CACNA1B: variants seen among roughly 807,000 people sequenced by gnomAD.
CACNA1B encodes voltage-dependent N-type calcium channel subunit alpha-1B.
In CACNA1B, 70 loss-of-function variants were observed where a neutral mutation model predicts 247.2. The observed-to-expected ratio is 0.28, with a 90% confidence interval of 0.23 to 0.35. CACNA1B has a LOEUF of 0.35. Ranked by LOEUF, CACNA1B falls within the 10% of genes least tolerant of loss-of-function variation. The pLI, the probability that CACNA1B is intolerant of heterozygous loss-of-function variation, is 1.00. For synonymous variants in CACNA1B, 1,231 were observed against 1,294.4 expected (o/e 0.95, Z 1.05); for missense variants, 2,367 against 3,197.4 (o/e 0.74, Z 6.26).
intron 23 of CACNA1B, among the ~76,000 whole-genome samples, 184 bp from the exon 24 acceptor site, chr9:138,049,025 A>AT (rs1959208607): frequency 2.0e-5 from 3 of 151,406 alleles, no homozygotes; most frequent in South Asian, 4.2e-4. Context: ...GCCATGTTTT[A>AT]TTTTTTTTCT....
rs561361947 is a variant in CACNA1B, at chr9:138,006,357, G to C, written c.1975-410G>C. On this transcript the variant is annotated intron_variant, in intron 15 of 46. Transcript: ENST00000371372. ...ACTGAGAGCATAAGGCTCTGCTTCT[G>C]CTGGGTGGCCGTGTGCAGCCCAGTC... 8.5e-5 allele frequency among the ~76,000 whole-genome samples: 13 copies of C among 152,326 alleles called. No homozygotes were observed. In the South Asian group the frequency reaches 2.7e-3, roughly 32 times the overall value.
At chr9:137,912,325 G>C (rs1051035689) in intron 3 of CACNA1B, among the ~76,000 whole-genome samples, 3 of 152,194 alleles carry the variant, frequency 2.0e-5, no homozygotes, top group African/African-American at 7.2e-5. Flanking sequence ...AGCCCCCAGG[G>C]AGTGGGAGGA....
chr9:137,884,839 C>G lies in CACNA1B; in HGVS notation c.530+1956C>G, dbSNP rs181081003. On this transcript the variant is annotated intron_variant, in intron 3 of 46. Transcript: ENST00000371372. The stretch of plus-strand genomic sequence containing the variant: ...CAGGACCCCTGGATCTCCCAGCACA[C>G]ATAGACTGGGTCCAGGGCTGCTCCT... Among the ~76,000 whole-genome samples the G allele has an allele frequency of 3.3e-5, 5 of 151,540 alleles. No homozygotes were observed. In the South Asian group the frequency reaches 1.1e-3, roughly 32 times the overall value.
chr9:137,932,026 A>G (rs1389620562), intron 6 of CACNA1B, among the ~76,000 whole-genome samples: 1 of 152,202 alleles, frequency 6.6e-6, no homozygotes, highest in Non-Finnish European at 1.5e-5. Flanking sequence ...ACATAAAAAC[A>G]GCATTTTTCC....
intron 42 of CACNA1B, among the ~76,000 whole-genome samples, chr9:138,117,116 C>A (rs111258526): frequency 1.3e-5 from 2 of 152,198 alleles, no homozygotes; most frequent in African/African-American, 4.8e-5. Context: ...AGCACTCACC[C>A]GAACACATTC....
In CACNA1B at chr9:138,053,938, G is replaced by A. The variant is rs539386787; in HGVS notation, c.3900G>A (p.Ala1300=). 3.0e-5 allele frequency: 48 copies of A among 1,613,664 alleles called. 1 individual carries two copies. In the South Asian group the frequency reaches 4.3e-4, roughly 14 times the overall value. The change falls in exon 26 of 47, where the codon GCG becomes GCA. Residue 1300 remains alanine, a synonymous_variant. Transcript: ENST00000371372. ...TCATGTTCATATTTGCCGTCATTGC[G>A]GTGCAGCTCTTCAAAGGGAAGTTTT... ...MLFMFIFAVI[A]VQLFKGKFFY...
intron 35 of CACNA1B, among the ~76,000 whole-genome samples, chr9:138,076,355 G>A (rs1292207993): frequency 6.7e-6 from 1 of 148,792 alleles, no homozygotes; most frequent in African/African-American, 2.4e-5. Context: ...TAGGGCAACA[G>A]GGGGAACTGA....
At chr9:137,883,835 G>A (rs374458456) in intron 3 of CACNA1B, among the ~76,000 whole-genome samples, 4 of 151,824 alleles carry the variant, frequency 2.6e-5, no homozygotes, top group African/African-American at 7.3e-5. Flanking sequence ...CACAGCAGGC[G>A]AGAGCTCTCC....
intron 36 of CACNA1B, among the ~76,000 whole-genome samples, chr9:138,080,824 G>A (rs1960499148): frequency 2.0e-5 from 3 of 152,308 alleles, no homozygotes; most frequent in African/African-American, 4.8e-5. Flanking sequence ...TGCTGATGGC[G>A]GACTGTGAGC....
chr9:137,885,228 G>A (rs1956993433), intron 3 of CACNA1B, among the ~76,000 whole-genome samples: 2 of 151,690 alleles, frequency 1.3e-5, no homozygotes, highest in African/African-American at 4.8e-5. Context: ...GGTGATCTGT[G>A]TCCCACGGGG....
chr9:137,988,928 G>A (rs1958399548), intron 15 of CACNA1B, among the ~76,000 whole-genome samples: 1 of 152,198 alleles, frequency 6.6e-6, no homozygotes, highest in African/African-American at 2.4e-5. Flanking sequence ...GAGATCCCAG[G>A]GTGGGAGCCC....
intron 6 of CACNA1B, among the ~76,000 whole-genome samples, chr9:137,936,494 C>T (rs1957670343): frequency 6.6e-6 from 1 of 152,132 alleles, no homozygotes; most frequent in African/African-American, 2.4e-5. Flanking sequence ...TTAATTAGAT[C>T]CCATCTATTT....
rs1009195413 is a variant in CACNA1B, at chr9:138,057,188, C to T, written c.3969-544C>T. ...TCCTGACCTCGTGATCCGCCCGCCT[C>T]GGCCTCCCAAAGTGCTGGGATTACA... On this transcript the variant is annotated intron_variant, in intron 26 of 46. Coordinates refer to ENST00000371372, the MANE Select transcript of CACNA1B (RefSeq NM_000718.4). This position sits in a 1 kb window ranked among gnomAD's most constrained non-coding sequence, Gnocchi z 4.0. Among the ~76,000 whole-genome samples, 2 of 152,128 alleles carry T rather than the reference C, an allele frequency of 1.3e-5. No homozygotes were observed. Among genetic ancestry groups the T allele is most frequent in the African/African-American group, 2.4e-5 (1 of 41,432 alleles).
chr9:137,999,649 A>C lies in CACNA1B; in HGVS notation c.1975-7118A>C, dbSNP rs544427099. ...CTCAGTCTCCCAAGTAGCTGGGGCC[A>C]TAGGCACACACCACCATGCCCAGCT... On this transcript the variant is annotated intron_variant, in intron 15 of 46. Transcript: ENST00000371372. Among the ~76,000 whole-genome samples, 102 of 152,058 alleles carry C rather than the reference A, an allele frequency of 6.7e-4. 2 individuals carry two copies. Among genetic ancestry groups the C allele is most frequent in the African/African-American group, 2.4e-3 (99 of 41,496 alleles).
Position 137,917,186 on chromosome 9 carries a change from A to G in CACNA1B, c.776-55A>G, listed in dbSNP as rs970201047. 6 of 1,512,906 alleles carry G rather than the reference A, an allele frequency of 4.0e-6. No individual in the cohort carries two copies. Among genetic ancestry groups the G allele is most frequent in the African/African-American group, 1.4e-5 (1 of 72,676 alleles). The allele number at this position is 1,512,906 out of a possible 1,614,324, so 93.7% of individuals were successfully genotyped here. The stretch of plus-strand genomic sequence containing the variant: ...CCAGAGCCCAGGAATCCTGGTGGGG[A>G]TTGGAGAGCTTGGTATTTCTGAGCT... On this transcript the variant is annotated intron_variant, in intron 5 of 46. Coordinates refer to ENST00000371372, the MANE Select transcript of CACNA1B (RefSeq NM_000718.4). The surrounding 1 kb of genome is among the most constrained non-coding windows in gnomAD (Gnocchi z 5.5).
chr9:138,050,054 T>C lies in CACNA1B; in HGVS notation c.3710+739T>C. ...GCCACTGACTCTGTTCTCTTTGTCT[T>C]CCTCTTGCTGGACTCGGCAGGAGCT... On this transcript the variant is annotated intron_variant, in intron 24 of 46. Transcript: ENST00000371372. This position sits in a 1 kb window ranked among gnomAD's most constrained non-coding sequence, Gnocchi z 5.2. 7.8e-7 allele frequency: 1 copy of C among 1,289,476 alleles called. No individual in the cohort carries two copies. 79.9% of individuals were successfully genotyped at this position (1,289,476 alleles called of 1,614,324 possible). A position where few individuals can be genotyped will look rare whatever the true frequency, so the allele number is the denominator to read the frequency against.
intron 35 of CACNA1B, among the ~76,000 whole-genome samples, chr9:138,077,303 A>G (rs960211694): frequency 2.0e-5 from 3 of 152,234 alleles, no homozygotes; most frequent in South Asian, 2.1e-4. Context: ...GGCTGTGTCC[A>G]GGAACAGACT....
chr9:137,921,998 C>T (rs951413290), intron 6 of CACNA1B, among the ~76,000 whole-genome samples: 4 of 146,906 alleles, frequency 2.7e-5, no homozygotes, highest in Middle Eastern at 3.6e-3. Context: ...GCACCGCGAC[C>T]GCACAGCATC....
chr9:137,925,117 T>C (rs572527542), intron 6 of CACNA1B, among the ~76,000 whole-genome samples: 1 of 152,292 alleles, frequency 6.6e-6, no homozygotes, highest in East Asian at 1.9e-4. Flanking sequence ...GTAGCCCTGG[T>C]TCTTCAGATG....
Sources: allele counts gnomAD v4.1 joint callset (sites outside exome capture counted in the v4.1 genomes callset), GRCh38; gene constraint gnomAD v4.1.1; non-coding constraint Gnocchi (gnomAD v3.1); transcripts MANE v1.5; gene names NCBI Gene and HGNC (gene_info 2026-07-23, HGNC 2026-07-21).